ATP13A4: variants seen among roughly 807,000 people sequenced by gnomAD.
ATP13A4 encodes probable cation-transporting ATPase 13A4.
ATP13A4 carries 114 observed loss-of-function variants against 142.5 expected under a neutral mutation model. The observed-to-expected ratio is 0.80, with a 90% CI of 0.69 to 0.93. ATP13A4 has a LOEUF of 0.93. Ranked by LOEUF, ATP13A4 falls within the 40% of genes least tolerant of loss-of-function variation. The pLI, the probability that ATP13A4 is intolerant of heterozygous loss-of-function variation, is 0.00. For synonymous variants in ATP13A4, 488 were observed against 514.8 expected, an observed-to-expected ratio of 0.95 and a Z score of 0.70; for missense variants, 1,392 against 1,454.0, an observed-to-expected ratio of 0.96 and a Z score of 0.69.
intron 25 of ATP13A4, among the ~76,000 whole-genome samples, chr3:193,421,866 G>T (rs1454812601): frequency 6.7e-6 from 1 of 148,848 alleles, no homozygotes; most frequent in Non-Finnish European, 1.5e-5. Context: ...GAGATAAAAA[G>T]AAAAAAAGAC....
chr3:193,498,261 A>C (rs1200199369), intron 3 of ATP13A4, among the ~76,000 whole-genome samples: 1 of 150,918 alleles, frequency 6.6e-6, no homozygotes, highest in African/African-American at 2.4e-5. Context: ...CAGTAAAAAA[A>C]AGAAAAAGAA....
intron 2 of ATP13A4, among the ~76,000 whole-genome samples, chr3:193,563,890 C>T (rs569696124): frequency 6.6e-6 from 1 of 152,226 alleles, no homozygotes; most frequent in African/African-American, 2.4e-5. Context: ...TGGGGCAACC[C>T]CTGCTGTTCA....
chr3:193,538,884 G>C (rs1199385254), intron 1 of ATP13A4, among the ~76,000 whole-genome samples: 2 of 145,426 alleles, frequency 1.4e-5, no homozygotes, highest in Non-Finnish European at 3.0e-5. Flanking sequence ...TTTCTTTCTT[G>C]GTTTTTTCTT....
Position 193,406,612 on chromosome 3 carries a change from A to G in ATP13A4, c.3378+701T>C, listed in dbSNP as rs1189369548. Among the ~76,000 whole-genome samples, 3 of 152,244 alleles carry G rather than the reference A, an allele frequency of 2.0e-5. 1 individual carries two copies. Among genetic ancestry groups the G allele is most frequent in the Admixed American group, 6.5e-5 (1 of 15,280 alleles). On this transcript the variant is annotated intron_variant, in intron 29 of 29. Coordinates refer to ENST00000342695, the MANE Select transcript of ATP13A4 (RefSeq NM_032279.4). Reference sequence around the variant, plus strand: ...TCATTTCACTGAGGAAATGGAGCACAGGGGAGCTGAAGAATAAAAGCTAGA... The same window carrying G: ...TCATTTCACTGAGGAAATGGAGCACGGGGGAGCTGAAGAATAAAAGCTAGA...
chr3:193,476,826 T>C (rs760623294), intron 8 of ATP13A4, among the ~76,000 whole-genome samples: 1 of 151,978 alleles, frequency 6.6e-6, no homozygotes, highest in African/African-American at 2.4e-5. Context: ...TGACACCGAT[T>C]AAGTTTGCTA....
At chr3:193,514,902 T>C in intron 1 of ATP13A4, 31 bp from the exon 2 acceptor site, 1 of 1,605,852 alleles carries the variant, frequency 6.2e-7, no homozygotes, top group Non-Finnish European at 8.5e-7. Context: ...TACCAAATAT[T>C]GGTTAAGCAC....
At position 193,402,537 on chromosome 3, in the gene ATP13A4, T is replaced by C. The variant is rs1714300174; in HGVS notation, c.*115A>G. Reference sequence around the variant, plus strand: ...ACTTTAGTTTGTCACCATGATTTGATAGGTAGCCCCAAAACTCCAGCTGAT... The same window carrying C: ...ACTTTAGTTTGTCACCATGATTTGACAGGTAGCCCCAAAACTCCAGCTGAT... On this transcript the variant is annotated 3_prime_UTR_variant, in exon 30 of 30. Transcript: ENST00000342695. 6 of 692,508 alleles carry C rather than the reference T, an allele frequency of 8.7e-6. No homozygotes were observed. Among genetic ancestry groups the C allele is most frequent in the South Asian group, 3.2e-5 (2 of 61,878 alleles). 42.9% of individuals were successfully genotyped at this position (692,508 alleles called of 1,614,324 possible). A position where few individuals can be genotyped will look rare whatever the true frequency, so the allele number is the denominator to read the frequency against.
chr3:193,444,179 T>C (rs1373801220), intron 18 of ATP13A4, among the ~76,000 whole-genome samples: 2 of 152,106 alleles, frequency 1.3e-5, no homozygotes. Context: ...AAAAAAGCAG[T>C]TAGAGAAAAC....
Position 193,400,697 on chromosome 3 carries a change from C to T in ATP13A4, c.*1955G>A, listed in dbSNP as rs149638911. ...GTATGGTGGAGATGATAAGCCCTTCCTTGTTCAGTCATGGGACAATTGGTA... is the reference window on the plus strand; with the variant it reads ...GTATGGTGGAGATGATAAGCCCTTCTTTGTTCAGTCATGGGACAATTGGTA... On this transcript the variant is annotated 3_prime_UTR_variant, in exon 30 of 30. Coordinates refer to ENST00000342695, the MANE Select transcript of ATP13A4 (RefSeq NM_032279.4). Among the ~76,000 whole-genome samples the T allele has an allele frequency of 2.8e-5, 3 of 106,088 alleles. No individual in the cohort carries two copies. Among genetic ancestry groups the T allele is most frequent in the Non-Finnish European group, 3.8e-5 (2 of 51,982 alleles). 69.6% of individuals were successfully genotyped at this position (106,088 alleles called of 152,430 possible).
intron 28 of ATP13A4, among the ~76,000 whole-genome samples, chr3:193,410,407 A>G (rs779515476): frequency 4.0e-4 from 61 of 152,358 alleles, no homozygotes; most frequent in South Asian, 8.3e-4. Flanking sequence ...TTCTCATAGG[A>G]GATCTTTTAA....
intron 8 of ATP13A4, among the ~76,000 whole-genome samples, chr3:193,475,240 A>G (rs1283136174): frequency 6.6e-6 from 1 of 152,096 alleles, no homozygotes; most frequent in Non-Finnish European, 1.5e-5. Flanking sequence ...TAAAAAACTG[A>G]GAAATGTTTT....
intron 8 of ATP13A4, among the ~76,000 whole-genome samples, chr3:193,476,783 G>A (rs1215550208): frequency 6.6e-6 from 1 of 152,004 alleles, no homozygotes; most frequent in Non-Finnish European, 1.5e-5. Flanking sequence ...GAAAGAGAGA[G>A]AGAGAGACAG....
At chr3:193,444,050 A>G (rs1335637997) in intron 18 of ATP13A4, among the ~76,000 whole-genome samples, 1 of 152,162 alleles carries the variant, frequency 6.6e-6, no homozygotes, top group East Asian at 1.9e-4. Flanking sequence ...TTTCCCAAGT[A>G]TGATAAAAGA....
intron 2 of ATP13A4, 126 bp from the exon 3 acceptor site, chr3:193,502,765 A>ACTT: frequency 9.8e-7 from 1 of 1,024,318 alleles, no homozygotes; most frequent in Non-Finnish European, 1.5e-6. Context: ...TCTAGACAGA[A>ACTT]CGGTTTGTCT....
intron 3 of ATP13A4, among the ~76,000 whole-genome samples, chr3:193,495,117 A>G (rs1161772137): frequency 6.6e-6 from 1 of 152,114 alleles, no homozygotes; most frequent in Non-Finnish European, 1.5e-5. Context: ...AAAGTCTTGC[A>G]TCAAAGAAAA....
chr3:193,558,159 C>T (rs73063957), upstream of ATP13A4, among the ~76,000 whole-genome samples: 477 of 152,322 alleles, frequency 3.1e-3, 2 homozygotes, highest in African/African-American at 0.011. Context: ...AGGTCCAAAG[C>T]GACTCAGTCC....
chr3:193,418,265 G>A (rs1402756171), intron 25 of ATP13A4, among the ~76,000 whole-genome samples: 1 of 144,792 alleles, frequency 6.9e-6, no homozygotes, highest in Non-Finnish European at 1.5e-5. Context: ...CCTGCAGTGA[G>A]CCGAGATTGC....
chr3:193,538,949 C>T (rs1471524977), intron 1 of ATP13A4, among the ~76,000 whole-genome samples: 3 of 144,846 alleles, frequency 2.1e-5, no homozygotes, highest in South Asian at 2.2e-4. Flanking sequence ...AGCTGGAGCA[C>T]GGCCTCCTCC....
At chr3:193,440,361 C>A in intron 21 of ATP13A4, 197 bp downstream of exon 21, 1 of 1,055,854 alleles carries the variant, frequency 9.5e-7, no homozygotes, top group Non-Finnish European at 1.3e-6. Context: ...CCCATATAAA[C>A]AACTGAATCA....
Sources: allele counts gnomAD v4.1 joint callset (sites outside exome capture counted in the v4.1 genomes callset), GRCh38; gene constraint gnomAD v4.1.1; transcripts MANE v1.5; gene names NCBI Gene and HGNC (gene_info 2026-07-23, HGNC 2026-07-21).